The following FHIT variants were observed in gnomAD, a reference collection of about 807,000 sequenced individuals.
FHIT encodes the protein fragile histidine triad diadenosine triphosphatase.
A neutral mutation model predicts 17.9 loss-of-function variants in FHIT; 19 were observed. The ratio of observed to expected loss-of-function variants is 1.06; its 90% CI spans 0.74 to 1.56. FHIT has a LOEUF of 1.56. Among genes scored for constraint, FHIT ranks in the 40% most tolerant of loss-of-function variants. The probability of loss-of-function intolerance (pLI) is 0.00; values close to 1 mark genes in which losing one functional copy is unlikely to be tolerated. For missense variants in FHIT, 248 were observed against 189.2 expected (o/e 1.31, Z -1.82); for synonymous variants, 81 against 69.7 (o/e 1.16, Z -0.81).
chr3:60,931,360 A>G (rs1707943599), intron 3 of FHIT, among the ~76,000 whole-genome samples: 1 of 152,246 alleles, frequency 6.6e-6, no homozygotes, highest in Admixed American at 6.5e-5. Flanking sequence ...AACTTACAGT[A>G]TAATTTAAAA....
intron 2 of FHIT, among the ~76,000 whole-genome samples, chr3:61,083,486 A>G (rs897049586): frequency 1.3e-5 from 2 of 152,180 alleles, no homozygotes; most frequent in African/African-American, 4.8e-5. Flanking sequence ...GCTACTCGGG[A>G]GGCTGAGGCA....
intron 5 of FHIT, among the ~76,000 whole-genome samples, chr3:60,206,415 C>T (rs1321435918): frequency 1.3e-5 from 2 of 152,074 alleles, no homozygotes; most frequent in Non-Finnish European, 2.9e-5. Context: ...TTCTGAATAG[C>T]CACCTGGCAA....
At chr3:60,040,494 T>G (rs920513753) in intron 5 of FHIT, among the ~76,000 whole-genome samples, 1 of 151,972 alleles carries the variant, frequency 6.6e-6, no homozygotes, top group Admixed American at 6.6e-5. Flanking sequence ...CAGTGATAAT[T>G]AGTAGGGGGT....
chr3:59,790,168 T>C (rs1201430953), intron 8 of FHIT, among the ~76,000 whole-genome samples: 6 of 152,190 alleles, frequency 3.9e-5, no homozygotes, highest in Non-Finnish European at 8.8e-5. Flanking sequence ...TACTGTAAAT[T>C]GTTCAATAAT....
chr3:61,250,576 C>T (rs1029030389), intron 1 of FHIT, among the ~76,000 whole-genome samples: 2 of 152,180 alleles, frequency 1.3e-5, no homozygotes, highest in African/African-American at 2.4e-5. Context: ...CAAGGTAACA[C>T]AGCGAGGGCA....
chr3:61,090,106 C>A (rs1018208474), intron 2 of FHIT, among the ~76,000 whole-genome samples: 1 of 152,126 alleles, frequency 6.6e-6, no homozygotes, highest in Non-Finnish European at 1.5e-5. Context: ...CAAGATTATG[C>A]CTTTCATCCT....
intron 5 of FHIT, among the ~76,000 whole-genome samples, chr3:60,181,571 CT>C (rs201503645): frequency 2.0e-5 from 3 of 151,910 alleles, no homozygotes; most frequent in Admixed American, 2.0e-4. Context: ...GAAGCACCCC[CT>C]ATTACCACTG....
intron 8 of FHIT, among the ~76,000 whole-genome samples, chr3:59,759,182 C>CT (rs1575609566): frequency 1.3e-5 from 2 of 151,898 alleles, no homozygotes; most frequent in East Asian, 3.9e-4. Flanking sequence ...GGGTAACAGG[C>CT]TGGAAGAGTG....
intron 3 of FHIT, among the ~76,000 whole-genome samples, chr3:60,986,033 G>A (rs149805411): frequency 4.6e-4 from 70 of 152,162 alleles, no homozygotes; most frequent in African/African-American, 1.3e-3. Flanking sequence ...CCCTTATAAC[G>A]ACCCTTGTGG....
chr3:61,169,726 A>G (rs1265710235), intron 2 of FHIT, among the ~76,000 whole-genome samples: 1 of 152,146 alleles, frequency 6.6e-6, no homozygotes, highest in Non-Finnish European at 1.5e-5. Context: ...TTATTCTGAC[A>G]TGTGTTAAAA....
At chr3:60,044,728 T>G (rs773322811) in intron 5 of FHIT, among the ~76,000 whole-genome samples, 2 of 152,178 alleles carry the variant, frequency 1.3e-5, no homozygotes, top group Non-Finnish European at 2.9e-5. Context: ...ATTCCACTGT[T>G]ACAAGCTTTC....
At position 59,957,643 on chromosome 3, in the gene FHIT, T is replaced by A. The variant is rs112110558; in HGVS notation, c.280-35229A>T. 1.8e-4 allele frequency among the ~76,000 whole-genome samples: 27 copies of A among 152,322 alleles called. 1 individual carries two copies. Among genetic ancestry groups the A allele is most frequent in the African/African-American group, 5.5e-4 (23 of 41,564 alleles). On this transcript the variant is annotated intron_variant, in intron 7 of 9. Transcript: ENST00000492590. ...CAGGAGCAAATCTAACCAATGCACA[T>A]TGACCAAGTCACTGAGAAAAATATG...
chr3:60,799,022 T>C (rs1419262199), intron 4 of FHIT, among the ~76,000 whole-genome samples: 1 of 152,122 alleles, frequency 6.6e-6, no homozygotes, highest in Non-Finnish European at 1.5e-5. Flanking sequence ...GCAATAGGTT[T>C]TTTATTGCTC....
At chr3:60,103,879 T>C (rs1704295177) in intron 5 of FHIT, among the ~76,000 whole-genome samples, 1 of 152,216 alleles carries the variant, frequency 6.6e-6, no homozygotes, top group South Asian at 2.1e-4. Flanking sequence ...TACATGTCGC[T>C]TGTGCATAAT....
At chr3:60,283,232 C>CACACACACACAT (rs1022504014) in intron 5 of FHIT, among the ~76,000 whole-genome samples, 1 of 151,362 alleles carries the variant, frequency 6.6e-6, no homozygotes, top group Non-Finnish European at 1.5e-5. Flanking sequence ...GGGATATATA[C>CACACACACACAT]ACACACACAC....
At chr3:60,189,197 G>C (rs1553707496) in intron 5 of FHIT, among the ~76,000 whole-genome samples, 1 of 151,022 alleles carries the variant, frequency 6.6e-6, no homozygotes, top group Admixed American at 6.6e-5. Context: ...ATAAATGAAA[G>C]GGAAAAAAAA....
At chr3:60,424,664 T>C (rs535482647) in intron 5 of FHIT, among the ~76,000 whole-genome samples, 1 of 152,292 alleles carries the variant, frequency 6.6e-6, no homozygotes, top group African/African-American at 2.4e-5. Flanking sequence ...TTCTCTTTGT[T>C]GTTGATCAAA....
intron 2 of FHIT, among the ~76,000 whole-genome samples, chr3:61,111,407 A>T (rs1473775602): frequency 6.6e-6 from 1 of 152,172 alleles, no homozygotes; most frequent in African/African-American, 2.4e-5. Flanking sequence ...CCTTGTCTAT[A>T]CCACCTTTTG....
rs1266539644 is a variant in FHIT at position 60,011,459 on chromosome 3, T to G, written c.250-59A>C. 10 of 1,330,042 alleles carry G rather than the reference T, an allele frequency of 7.5e-6. No individual in the cohort carries two copies. In the East Asian group the frequency reaches 2.3e-4, roughly 31 times the overall value. 82.4% of individuals were successfully genotyped at this position (1,330,042 alleles called of 1,614,324 possible). A position where few individuals can be genotyped will look rare whatever the true frequency, so the allele number is the denominator to read the frequency against. On this transcript the variant is annotated intron_variant, in intron 6 of 9. Transcript: ENST00000492590. ...TAGATAGATGGTATCTCCTGCTTAT[T>G]CAGAAATATCACCCATTAATAATTT...
Sources: gnomAD v4.1 joint callset for allele counts (sites outside exome capture counted in the v4.1 genomes callset) on GRCh38, gnomAD v4.1.1 for gene constraint, MANE v1.5 for transcripts, NCBI Gene and HGNC (gene_info 2026-07-23, HGNC 2026-07-21) for gene names.